The following IQGAP1 variants were observed in gnomAD, a reference collection of about 807,000 sequenced individuals.
The protein encoded by IQGAP1 is ras GTPase-activating-like protein IQGAP1.
A neutral mutation model predicts 215.6 loss-of-function variants in IQGAP1; 66 were observed. The ratio of observed to expected loss-of-function variants is 0.31; its 90% confidence interval spans 0.25 to 0.38. IQGAP1 has a LOEUF of 0.38. Among genes scored for constraint, IQGAP1 ranks in the 10% least tolerant of loss-of-function variants. The pLI is 1.00. For missense variants in IQGAP1, 1,712 were observed against 1,997.1 expected (o/e 0.86, Z 2.72); for synonymous variants, 772 against 728.7 (o/e 1.06, Z -0.96).
intron 2 of IQGAP1, among the ~76,000 whole-genome samples, chr15:90,424,446 T>C (rs1299492904): frequency 1.3e-5 from 2 of 152,312 alleles, no homozygotes; most frequent in South Asian, 2.1e-4. Flanking sequence ...TCATCGAGTA[T>C]AGGAAACAAC....
intron 7 of IQGAP1, 135 bp from the exon 8 acceptor site, chr15:90,441,371 A>G (rs1268205445): frequency 2.7e-6 from 2 of 728,510 alleles, no homozygotes; most frequent in Non-Finnish European, 4.4e-6. Flanking sequence ...TTCGAACCCC[A>G]GTTGTTATTT....
chr15:90,462,278 G>A (rs1369286982), intron 15 of IQGAP1, among the ~76,000 whole-genome samples: 1 of 152,222 alleles, frequency 6.6e-6, no homozygotes, highest in Non-Finnish European at 1.5e-5. Flanking sequence ...CACCAGCACA[G>A]CTGTACCAGT....
intron 30 of IQGAP1, among the ~76,000 whole-genome samples, 177 bp downstream of exon 30, chr15:90,484,529 G>A (rs1036392096): frequency 6.6e-6 from 1 of 151,728 alleles, no homozygotes; most frequent in Non-Finnish European, 1.5e-5. Context: ...TATTTTTTGA[G>A]ACAGAGTCTC....
At chr15:90,481,683 C>G (rs1046082100) in intron 26 of IQGAP1, among the ~76,000 whole-genome samples, 1 of 152,268 alleles carries the variant, frequency 6.6e-6, no homozygotes. Flanking sequence ...GTGTGTCGCT[C>G]CCACCAGACT....
chr15:90,402,566 C>A (rs575182817), intron 2 of IQGAP1, among the ~76,000 whole-genome samples: 4 of 152,276 alleles, frequency 2.6e-5, no homozygotes, highest in African/African-American at 9.6e-5. Context: ...GCTCTAAGAA[C>A]TGTGAGGTTT....
intron 33 of IQGAP1, 84 bp downstream of exon 33, chr15:90,487,666 C>T (rs921258181): frequency 2.2e-6 from 2 of 895,844 alleles, no homozygotes; most frequent in Non-Finnish European, 3.6e-6. Context: ...AGGGGAGACA[C>T]AAATAACAGT....
Position 90,492,650 on chromosome 15 carries a change from C to T in IQGAP1, c.4567C>T (p.Gln1523Ter). Residue 1523 changes from glutamine (Q) to a stop codon, truncating the protein, a stop_gained, in exon 35 of 38, where the codon CAG (glutamine) becomes TAG (stop). Coordinates refer to ENST00000268182, the MANE Select transcript of IQGAP1 (RefSeq NM_003870.4). LOFTEE classifies it high-confidence loss of function. ...CTCTAAGGCCACCTTTTATGGGGAGCAGGTGGATTACTATAAAAGCTATAT... is the reference window on the plus strand; with the variant it reads ...CTCTAAGGCCACCTTTTATGGGGAGTAGGTGGATTACTATAAAAGCTATAT... ...LNSKATFYGE[Q>*]VDYYKSYIKT... 1 of 1,613,848 alleles carries T rather than the reference C, an allele frequency of 6.2e-7. No individual in the cohort carries two copies. The highest frequency in any genetic ancestry group is 8.5e-7 in the Non-Finnish European group (1 of 1,179,856).
rs369486306 is a variant in IQGAP1 at position 90,428,721 on chromosome 15, GCAGTGAGCCGATTGTGC to G, written c.313-845_313-829del. Among the ~76,000 whole-genome samples the G allele has an allele frequency of 8.4e-3, 1,280 of 152,226 alleles. 14 individuals carry two copies. The highest frequency in any genetic ancestry group is 0.028 in the African/African-American group (1,180 of 41,534). On this transcript the variant is annotated intron_variant, in intron 3 of 37. Transcript: ENST00000268182. Reference sequence around the variant, plus strand: ...TCGCTTGAGCCCAGGAGGTGAGGCTGCAGTGAGCCGATTGTGCCAGTGAGCCGATTGTGCCAGTGCAC... The same window carrying G: ...TCGCTTGAGCCCAGGAGGTGAGGCTGCAGTGAGCCGATTGTGCCAGTGCAC...
intron 1 of IQGAP1, 75 bp downstream of exon 1, chr15:90,388,471 T>G (rs1286217517): frequency 6.2e-5 from 38 of 614,372 alleles, no homozygotes; most frequent in Non-Finnish European, 8.0e-5. Flanking sequence ...TCCTGGGGGC[T>G]CGGCCGGGCG....
At chr15:90,453,574 T>A (rs1965638617) in intron 13 of IQGAP1, among the ~76,000 whole-genome samples, 2 of 152,222 alleles carry the variant, frequency 1.3e-5, no homozygotes, top group African/African-American at 4.8e-5. Context: ...AGCTAGTTCA[T>A]TTTCATTCTT....
At chr15:90,466,546 G>T (rs1040918001) in intron 17 of IQGAP1, 110 bp downstream of exon 17, 57 of 1,011,352 alleles carry the variant, frequency 5.6e-5, no homozygotes, top group Non-Finnish European at 8.5e-5. Context: ...TAGCATAGAT[G>T]TACAGTACTT....
intron 23 of IQGAP1, among the ~76,000 whole-genome samples, 171 bp from the exon 24 acceptor site, chr15:90,476,492 G>A (rs1443375954): frequency 6.6e-6 from 1 of 152,170 alleles, no homozygotes; most frequent in Admixed American, 6.5e-5. Flanking sequence ...GAATGGATTT[G>A]ACTGGTGTAC....
chr15:90,410,145 A>G lies in IQGAP1; in HGVS notation c.156-15965A>G, dbSNP rs548228380. 1.2e-4 allele frequency among the ~76,000 whole-genome samples: 19 copies of G among 152,300 alleles called. No individual in the cohort carries two copies. The East Asian group carries it at 3.3e-3, about 26-fold the overall frequency. ...GTTTCTTTTGCTGTGCAGAAGCTCT[A>G]GTTTAATTAGATCCCATTTCTCAAT... On this transcript the variant is annotated intron_variant, in intron 2 of 37. Transcript: ENST00000268182.
At chr15:90,423,110 C>T (rs1965171383) in intron 2 of IQGAP1, among the ~76,000 whole-genome samples, 2 of 152,122 alleles carry the variant, frequency 1.3e-5, no homozygotes, top group African/African-American at 4.8e-5. Flanking sequence ...GGGGAAATCT[C>T]ATGTGAGCTG....
In IQGAP1 at chr15:90,392,748, CT is replaced by C. The variant is rs10701656; in HGVS notation, c.155+1892del. 8.0e-3 allele frequency among the ~76,000 whole-genome samples: 943 copies of C among 117,746 alleles called. 11 individuals are homozygous for C. The highest frequency in any genetic ancestry group is 0.029 in the African/African-American group (837 of 28,778). 77.2% of individuals were successfully genotyped at this position (117,746 alleles called of 152,430 possible). On this transcript the variant is annotated intron_variant, in intron 2 of 37. Transcript: ENST00000268182. ...TTTCTTGATTGAAGAATGTTTCTAT[CT>C]TTTTTTTTTTTTTTTTGTACAGTCT... is the stretch of plus-strand genomic sequence containing the variant.
chr15:90,473,046 C>T (rs780346536), intron 19 of IQGAP1, 36 bp downstream of exon 19: 1 of 1,590,660 alleles, frequency 6.3e-7, no homozygotes, highest in South Asian at 1.1e-5. Context: ...AGCAAGCGGG[C>T]ATCTAGAGCA....
At chr15:90,497,780 A>G (rs1202849963) in intron 37 of IQGAP1, among the ~76,000 whole-genome samples, 1 of 152,224 alleles carries the variant, frequency 6.6e-6, no homozygotes, top group East Asian at 1.9e-4. Context: ...CTTAAATCCA[A>G]AAAGAACTCG....
chr15:90,462,526 G>C (rs1202695439), intron 15 of IQGAP1, among the ~76,000 whole-genome samples: 1 of 152,156 alleles, frequency 6.6e-6, no homozygotes, highest in Non-Finnish European at 1.5e-5. Flanking sequence ...TATATATGTG[G>C]TTATATATTT....
At chr15:90,409,217 G>A (rs1964922058) in intron 2 of IQGAP1, among the ~76,000 whole-genome samples, 1 of 148,684 alleles carries the variant, frequency 6.7e-6, no homozygotes, top group Non-Finnish European at 1.5e-5. Flanking sequence ...TTCTTTCAAG[G>A]AAAATTTCCT....
Sources: gnomAD v4.1 joint callset for allele counts (sites outside exome capture counted in the v4.1 genomes callset) on GRCh38, gnomAD v4.1.1 for gene constraint, MANE v1.5 for transcripts, NCBI Gene and HGNC (gene_info 2026-07-23, HGNC 2026-07-21) for gene names.